TNKS: variants seen among roughly 807,000 people sequenced by gnomAD.
TNKS encodes the protein tankyrase.
In TNKS, 72 loss-of-function variants were observed where a neutral mutation model predicts 135.8. The observed-to-expected ratio is 0.53, with a 90% confidence interval of 0.44 to 0.64. The LOEUF (loss-of-function observed/expected upper bound fraction) is 0.64. Among genes scored for constraint, TNKS ranks in the 30% least tolerant of loss-of-function variants. The probability of loss-of-function intolerance (pLI) is 0.00; values close to 1 mark genes in which losing one functional copy is unlikely to be tolerated. For missense variants in TNKS, 1,769 were observed against 1,674.0 expected, an observed-to-expected ratio of 1.06 and a Z score of -0.99; for synonymous variants, 849 against 649.3, an observed-to-expected ratio of 1.31 and a Z score of -4.68.
intron 2 of TNKS, among the ~76,000 whole-genome samples, chr8:9,587,311 G>T (rs1585200600): frequency 6.6e-6 from 1 of 152,096 alleles, no homozygotes; most frequent in Non-Finnish European, 1.5e-5. Flanking sequence ...CTAAGGAATG[G>T]GGGTAGCCCC....
chr8:9,764,788 C>G lies in TNKS; in HGVS notation c.3445C>G (p.Arg1149Gly), dbSNP rs763999319. Residue 1149 changes from arginine (R) to glycine (G), a missense_variant and splice_region_variant, in exon 23 of 27, where the codon CGA becomes GGA. Arg to Gly is a moderately radical substitution (Grantham distance 125). Transcript: ENST00000310430. ...CATCTTCAACAGATACAATGTCATTCGAGTAAGTTTTTAAAGTTTCATGGT... is the reference window on the plus strand; with the variant it reads ...CATCTTCAACAGATACAATGTCATTGGAGTAAGTTTTTAAAGTTTCATGGT... ...GGIFNRYNVI[R>G]IQKVVNKKLR... 1 of 1,585,950 alleles carries G rather than the reference C, an allele frequency of 6.3e-7. No individual in the cohort carries two copies. The highest frequency in any genetic ancestry group is 1.4e-5 in the African/African-American group (1 of 73,374).
chr8:9,732,580 A>T (rs950241635), intron 14 of TNKS, among the ~76,000 whole-genome samples: 1 of 107,824 alleles, frequency 9.3e-6, no homozygotes, highest in African/African-American at 3.1e-5. Flanking sequence ...TCCCAAAACT[A>T]AAAAAAAAAA....
At chr8:9,590,752 T>C (rs1473709926) in intron 2 of TNKS, among the ~76,000 whole-genome samples, 2 of 152,246 alleles carry the variant, frequency 1.3e-5, no homozygotes, top group Non-Finnish European at 2.9e-5. Flanking sequence ...TTGTCCGTTA[T>C]TAAATTGGCT....
chr8:9,662,990 T>C (rs1488250361), intron 3 of TNKS, among the ~76,000 whole-genome samples: 1 of 152,198 alleles, frequency 6.6e-6, no homozygotes, highest in African/African-American at 2.4e-5. Flanking sequence ...TCTTGGGTTA[T>C]CTGGATAGGC....
intron 11 of TNKS, among the ~76,000 whole-genome samples, chr8:9,717,680 G>C (rs1050934622): frequency 3.3e-5 from 5 of 152,152 alleles, no homozygotes; most frequent in African/African-American, 1.2e-4. Context: ...TTACTGCTGA[G>C]AGGATGTATA....
chr8:9,704,761 G>C lies in TNKS; in HGVS notation c.1202+4G>C. 1.2e-6 allele frequency: 2 copies of C among 1,610,062 alleles called. No homozygotes were observed. The highest frequency in any genetic ancestry group is 1.1e-5 in the South Asian group (1 of 90,594). On this transcript the variant is annotated splice_donor_region_variant and intron_variant, in intron 6 of 26. Transcript: ENST00000310430. Reference sequence around the variant, plus strand: ...ATGTTCATGCAAAAGACAAAGGGTAGGTCTATCAGTTTACTTCCTGTCAGT... The same window carrying C: ...ATGTTCATGCAAAAGACAAAGGGTACGTCTATCAGTTTACTTCCTGTCAGT...
At chr8:9,598,325 G>A (rs1347195765) in intron 2 of TNKS, among the ~76,000 whole-genome samples, 1 of 152,114 alleles carries the variant, frequency 6.6e-6, no homozygotes. Context: ...GGGATTACAG[G>A]TGTGAGCCAC....
intron 25 of TNKS, among the ~76,000 whole-genome samples, chr8:9,767,588 C>G (rs1807534780): frequency 1.3e-5 from 2 of 152,106 alleles, no homozygotes; most frequent in Admixed American, 6.5e-5. Context: ...AAAATTATTG[C>G]CATCAGCCAT....
At chr8:9,562,766 G>C (rs538197490) in intron 1 of TNKS, among the ~76,000 whole-genome samples, 1 of 151,440 alleles carries the variant, frequency 6.6e-6, no homozygotes, top group Non-Finnish European at 1.5e-5. Flanking sequence ...CCTGCTAAGA[G>C]CTGTTAATGT....
chr8:9,570,614 G>C (rs1797720920), intron 1 of TNKS, among the ~76,000 whole-genome samples: 1 of 152,152 alleles, frequency 6.6e-6, no homozygotes, highest in Admixed American at 6.5e-5. Flanking sequence ...CCAAAACAAA[G>C]GGCCTCAATC....
At chr8:9,622,859 C>T (rs1405792447) in intron 3 of TNKS, among the ~76,000 whole-genome samples, 2 of 152,156 alleles carry the variant, frequency 1.3e-5, no homozygotes, top group African/African-American at 2.4e-5. Flanking sequence ...TGTGGGGATA[C>T]GTTCCAAGAC....
intron 3 of TNKS, among the ~76,000 whole-genome samples, chr8:9,662,066 G>T (rs1429507762): frequency 1.3e-5 from 2 of 152,310 alleles, no homozygotes; most frequent in African/African-American, 2.4e-5. Context: ...TGTTAGAATG[G>T]CGATCATTAA....
intron 3 of TNKS, among the ~76,000 whole-genome samples, chr8:9,623,731 G>A (rs897930663): frequency 6.6e-6 from 1 of 152,154 alleles, no homozygotes; most frequent in Admixed American, 6.5e-5. Flanking sequence ...GCTGGGTGCT[G>A]TGGCTCATGC....
intron 5 of TNKS, among the ~76,000 whole-genome samples, chr8:9,701,266 T>A (rs1468663084): frequency 3.9e-5 from 6 of 152,218 alleles, no homozygotes; most frequent in Non-Finnish European, 7.3e-5. Flanking sequence ...TAGGTTTTCA[T>A]ATGCATTCAT....
At chr8:9,756,814 A>T (rs1416323940) in intron 20 of TNKS, among the ~76,000 whole-genome samples, 1 of 152,044 alleles carries the variant, frequency 6.6e-6, no homozygotes, top group East Asian at 1.9e-4. Context: ...CATCCCTTCC[A>T]TGCCATTTTA....
chr8:9,562,001 G>C (rs147472187), intron 1 of TNKS, among the ~76,000 whole-genome samples: 1 of 152,152 alleles, frequency 6.6e-6, no homozygotes, highest in Admixed American at 6.5e-5. Context: ...ATTTTTAGTA[G>C]AGACGGGGTT....
At position 9,658,359 on chromosome 8, in the gene TNKS, C is replaced by T. The variant is rs918938708; in HGVS notation, c.995-21592C>T. The T allele has an allele frequency of 3.0e-4, 363 of 1,198,870 alleles. 2 individuals carry two copies. The South Asian group carries it at 5.7e-3, about 19-fold the overall frequency. 74.3% of individuals were successfully genotyped at this position (1,198,870 alleles called of 1,614,324 possible). Reference sequence around the variant, plus strand: ...CAGCCGCTGCCTCCCAGGCGGCGCTCGCCGGCGCGGCGGCAAAGACTGAGA... The same window carrying T: ...CAGCCGCTGCCTCCCAGGCGGCGCTTGCCGGCGCGGCGGCAAAGACTGAGA... On this transcript the variant is annotated intron_variant, in intron 3 of 26. Transcript: ENST00000310430.
rs113046137 is a variant in TNKS, at chr8:9,765,768, A to C, written c.3524A>C (p.Asn1175Thr). The change falls in exon 24 of 27, where the codon AAC (asparagine) becomes ACC (threonine). Residue 1175 changes from asparagine (N) to threonine (T), a missense_variant. Around this residue, in one of 5 missense-constraint regions of TNKS, gnomAD observed 722 missense variants for 688.9 expected, o/e 1.05. Transcript: ENST00000310430. ...AAGGAAGTGTCTGAGGAGAATCACAACCATCACAATGAGCGCATGTTGTTT... is the reference window on the plus strand; with the variant it reads ...AAGGAAGTGTCTGAGGAGAATCACACCCATCACAATGAGCGCATGTTGTTT... ...RQKEVSEENH[N>T]HHNERMLFHG... 1 of 1,613,876 alleles carries C rather than the reference A, an allele frequency of 6.2e-7. No homozygotes were observed. Among genetic ancestry groups the C allele is most frequent in the Non-Finnish European group, 8.5e-7 (1 of 1,179,916 alleles).
intron 6 of TNKS, among the ~76,000 whole-genome samples, chr8:9,704,973 G>T (rs548082527): frequency 9.9e-5 from 15 of 152,156 alleles, no homozygotes; most frequent in Non-Finnish European, 1.9e-4. Context: ...TTTTATCACC[G>T]TTCTGTTACT....
Sources: allele counts gnomAD v4.1 joint callset (sites outside exome capture counted in the v4.1 genomes callset), GRCh38; gene constraint gnomAD v4.1.1; regional missense constraint gnomAD v4.1.1; transcripts MANE v1.5; gene names NCBI Gene and HGNC (gene_info 2026-07-23, HGNC 2026-07-21).